The following FBXO31 variants were observed in gnomAD, a reference collection of about 807,000 sequenced individuals.
The protein encoded by FBXO31 is F-box only protein 31.
FBXO31 carries 24 observed loss-of-function variants against 54.4 expected under a neutral mutation model. The observed-to-expected ratio is 0.44, with a 90% confidence interval of 0.32 to 0.62. FBXO31 has a LOEUF of 0.62. Among genes scored for constraint, FBXO31 ranks in the 20% least tolerant of loss-of-function variants. The probability of loss-of-function intolerance (pLI) is 0.05; values close to 1 mark genes in which losing one functional copy is unlikely to be tolerated. For synonymous variants in FBXO31, 388 were observed against 335.6 expected (o/e 1.16, Z -1.71); for missense variants, 665 against 787.1 (o/e 0.84, Z 1.86).
intron 2 of FBXO31, among the ~76,000 whole-genome samples, chr16:87,352,833 A>G (rs1905722426): frequency 6.6e-6 from 1 of 152,208 alleles, no homozygotes; most frequent in Non-Finnish European, 1.5e-5. Context: ...ATGGGAAAGT[A>G]CCGTGAAAGG....
At chr16:87,375,601 C>T (rs915298696) in intron 1 of FBXO31, among the ~76,000 whole-genome samples, 4 of 152,164 alleles carry the variant, frequency 2.6e-5, no homozygotes, top group Admixed American at 1.3e-4. Flanking sequence ...GGCAGGGCCA[C>T]GGCAAGAGAG....
At chr16:87,366,136 G>A (rs2150689758) in intron 1 of FBXO31, among the ~76,000 whole-genome samples, 1 of 152,300 alleles carries the variant, frequency 6.6e-6, no homozygotes, top group East Asian at 1.9e-4. Context: ...AATGCCACGG[G>A]GGCTCCCAGA....
At chr16:87,360,834 C>T (rs1906100506) in intron 1 of FBXO31, among the ~76,000 whole-genome samples, 1 of 152,196 alleles carries the variant, frequency 6.6e-6, no homozygotes, top group African/African-American at 2.4e-5. Flanking sequence ...CAAGAGGGGA[C>T]CGTGCAAGAC....
At chr16:87,390,756 A>T (rs1444248026), upstream of FBXO31, among the ~76,000 whole-genome samples, 4 of 152,000 alleles carry the variant, frequency 2.6e-5, no homozygotes, top group African/African-American at 7.2e-5. Flanking sequence ...ATATATTTTC[A>T]TACTTTTTTT....
chr16:87,389,760 A>T (rs756630224), exon 1 of FBXO31: 28 of 152,342 alleles, frequency 1.8e-4, no homozygotes, highest in Middle Eastern at 6.8e-3. Context: ...CTATTTTCAC[A>T]GAATACAAAC....
intron 5 of FBXO31, among the ~76,000 whole-genome samples, chr16:87,342,015 C>T (rs1905211406): frequency 6.6e-6 from 1 of 152,172 alleles, no homozygotes; most frequent in East Asian, 1.9e-4. Flanking sequence ...AGTTTGTGAC[C>T]AGCCTGGGCA....
At chr16:87,389,147 A>G (rs1331087106) in intron 1 of FBXO31, among the ~76,000 whole-genome samples, 1 of 151,570 alleles carries the variant, frequency 6.6e-6, no homozygotes, top group East Asian at 1.9e-4. Context: ...ACATTATTAT[A>G]ATATATATAC....
chr16:87,370,763 C>T (rs1467468409), intron 1 of FBXO31, among the ~76,000 whole-genome samples: 4 of 152,186 alleles, frequency 2.6e-5, no homozygotes, highest in Non-Finnish European at 5.9e-5. Context: ...GACCTGCTGG[C>T]TGGTGTCCTA....
intron 1 of FBXO31, among the ~76,000 whole-genome samples, chr16:87,372,802 G>C (rs939939137): frequency 8.8e-5 from 13 of 146,998 alleles, no homozygotes; most frequent in Non-Finnish European, 1.9e-4. Flanking sequence ...GTGTGATCTT[G>C]GCTCACTGCA....
At chr16:87,377,939 C>T (rs1251077341) in intron 1 of FBXO31, among the ~76,000 whole-genome samples, 1 of 152,004 alleles carries the variant, frequency 6.6e-6, no homozygotes, top group Non-Finnish European at 1.5e-5. Flanking sequence ...AGGCGGATCA[C>T]CTGAGGTTGG....
In FBXO31 at chr16:87,346,900, G is replaced by C. The variant is rs1396124720; in HGVS notation, c.489+274C>G. ...GCCAACATGTGCGCGATGGGCCTCA[G>C]CGTCCAGGAAGCAAAGGCCCTCACA... On this transcript the variant is annotated intron_variant, in intron 3 of 8. Coordinates refer to ENST00000311635, the MANE Select transcript of FBXO31 (RefSeq NM_024735.5). This position sits in a 1 kb window ranked among gnomAD's most constrained non-coding sequence, Gnocchi z 4.2. Among the ~76,000 whole-genome samples the C allele has an allele frequency of 1.3e-5, 2 of 152,238 alleles. No individual in the cohort carries two copies. Among genetic ancestry groups the C allele is most frequent in the Non-Finnish European group, 1.5e-5 (1 of 68,050 alleles).
chr16:87,379,272 C>G (rs1443251890), intron 1 of FBXO31, among the ~76,000 whole-genome samples: 1 of 152,116 alleles, frequency 6.6e-6, no homozygotes, highest in African/African-American at 2.4e-5. Context: ...GTGGGAAAAT[C>G]TACAGGGAAA....
Position 87,335,529 on chromosome 16 carries a change from G to A in FBXO31, c.843-72C>T. The A allele has an allele frequency of 2.7e-6, 4 of 1,470,764 alleles. No individual in the cohort carries two copies. The Admixed American group carries it at 7.6e-5, about 28-fold the overall frequency. 91.1% of individuals were successfully genotyped at this position (1,470,764 alleles called of 1,614,324 possible). On this transcript the variant is annotated intron_variant, in intron 6 of 8. Coordinates refer to ENST00000311635, the MANE Select transcript of FBXO31 (RefSeq NM_024735.5). This position sits in a 1 kb window ranked among gnomAD's most constrained non-coding sequence, Gnocchi z 5.7. ...AGGACTGAGAACGCCCAAGGTGCCA[G>A]GGATGAGCTTTGCAGGGCGGGGTAG...
chr16:87,388,471 C>T (rs984630826), upstream of FBXO31, among the ~76,000 whole-genome samples: 1 of 152,222 alleles, frequency 6.6e-6, no homozygotes, highest in Non-Finnish European at 1.5e-5. Context: ...GTGGTGCAGA[C>T]GACAAAGCCG....
chr16:87,336,758 T>G lies in FBXO31; in HGVS notation c.733-494A>C, dbSNP rs117534840. ...GACGATGCACTGAGCCCTCGGCCAG[T>G]GACTGGGTGGATTTTCCTTTTTCAA... On this transcript the variant is annotated intron_variant, in intron 5 of 8. Transcript: ENST00000311635. This position sits in a 1 kb window ranked among gnomAD's most constrained non-coding sequence, Gnocchi z 6.5. 0.01 allele frequency among the ~76,000 whole-genome samples: 1,557 copies of G among 152,264 alleles called. 15 individuals are homozygous for G. Among genetic ancestry groups the G allele is most frequent in the South Asian group, 0.048 (231 of 4,810 alleles).
At chr16:87,360,413 C>A in intron 1 of FBXO31, 47 bp from the exon 2 acceptor site, 1 of 1,561,334 alleles carries the variant, frequency 6.4e-7, no homozygotes, top group South Asian at 1.1e-5. Flanking sequence ...CAACTCATAA[C>A]GCGACAGACG....
intron 2 of FBXO31, among the ~76,000 whole-genome samples, chr16:87,351,495 C>A (rs1367242444): frequency 2.6e-5 from 4 of 152,144 alleles, no homozygotes; most frequent in Admixed American, 1.3e-4. Flanking sequence ...AGCAGATGGT[C>A]AGGCCTTCCT....
rs552185504 is a variant in FBXO31 at position 87,336,673 on chromosome 16, G to A, written c.733-409C>T. Among the ~76,000 whole-genome samples the A allele has an allele frequency of 6.6e-6, 1 of 152,286 alleles. No individual in the cohort carries two copies. The highest frequency in any genetic ancestry group is 2.1e-4 in the South Asian group (1 of 4,820). On this transcript the variant is annotated intron_variant, in intron 5 of 8. Coordinates refer to ENST00000311635, the MANE Select transcript of FBXO31 (RefSeq NM_024735.5). The surrounding 1 kb of genome is among the most constrained non-coding windows in gnomAD (Gnocchi z 6.5). ...CCCTCAGCCTGCTTCTCTGGCTCCT[G>A]GGAGCCTGAGTGTTCCAGAAGCCCT...
At chr16:87,344,316 G>A (rs1206914822) in intron 3 of FBXO31, among the ~76,000 whole-genome samples, 1 of 152,260 alleles carries the variant, frequency 6.6e-6, no homozygotes, top group Non-Finnish European at 1.5e-5. Context: ...GAGACGCCAA[G>A]ACCCCGGGAG....
Sources: gnomAD v4.1 joint callset for allele counts (sites outside exome capture counted in the v4.1 genomes callset) on GRCh38, gnomAD v4.1.1 for gene constraint, Gnocchi (gnomAD v3.1) non-coding constraint, MANE v1.5 for transcripts, NCBI Gene and HGNC (gene_info 2026-07-23, HGNC 2026-07-21) for gene names.